AFF1: variants seen among roughly 807,000 people sequenced by gnomAD.
The protein encoded by AFF1 is AF4/FMR2 family member 1.
AFF1 carries 48 observed loss-of-function variants against 121.7 expected under a neutral mutation model. The ratio of observed to expected loss-of-function variants is 0.39; its 90% CI spans 0.31 to 0.50. The LOEUF is 0.50. AFF1 is among the 20% of genes least tolerant of loss of function. The pLI, the probability that AFF1 is intolerant of heterozygous loss-of-function variation, is 0.76. For synonymous variants in AFF1, 613 were observed against 563.0 expected, an observed-to-expected ratio of 1.09 and a Z score of -1.26; for missense variants, 1,523 against 1,511.7, an observed-to-expected ratio of 1.01 and a Z score of -0.12.
intron 2 of AFF1, among the ~76,000 whole-genome samples, chr4:87,022,676 A>ATAGCTGTGTGTATATATATG (rs1441871979): frequency 7.0e-6 from 1 of 143,812 alleles, no homozygotes; most frequent in Non-Finnish European, 1.5e-5. Context: ...GTGTATATAT[A>ATAGCTGTGTGTATATATATG]TGTGTGTGTA....
intron 4 of AFF1, among the ~76,000 whole-genome samples, chr4:87,068,454 T>C (rs1578184877): frequency 6.6e-6 from 1 of 152,252 alleles, no homozygotes; most frequent in Admixed American, 6.5e-5. Flanking sequence ...TGTGCTATCA[T>C]CTACTTTAAA....
At chr4:86,936,577 G>T (rs1462120373) in intron 1 of AFF1, 1 of 152,046 alleles carries the variant, frequency 6.6e-6, no homozygotes, top group African/African-American at 2.4e-5. Context: ...CCAGAGTCTA[G>T]TTTTTTTTCT....
Position 86,946,769 on chromosome 4 carries a change from A to G in AFF1, c.-36-1729A>G, listed in dbSNP as rs140860311. On this transcript the variant is annotated intron_variant, in intron 1 of 20. Coordinates refer to ENST00000395146, the MANE Select transcript of AFF1 (RefSeq NM_001166693.3). ...TGTCAGTCAGTCAACAAACAAGTGA[A>G]CTCAGGACCCCTCTCAGATTGATAG... 3.3e-3 allele frequency among the ~76,000 whole-genome samples: 500 copies of G among 152,092 alleles called. 2 individuals carry two copies. Among genetic ancestry groups the G allele is most frequent in the African/African-American group, 0.011 (477 of 41,492 alleles).
At chr4:87,021,117 ACT>A (rs1325183661) in intron 2 of AFF1, among the ~76,000 whole-genome samples, 2 of 152,000 alleles carry the variant, frequency 1.3e-5, no homozygotes, top group Admixed American at 1.3e-4. Flanking sequence ...TCTGAGGTGC[ACT>A]CTCAGAATTT....
chr4:87,083,074 CA>C (rs1046272953), intron 4 of AFF1, among the ~76,000 whole-genome samples: 47 of 152,288 alleles, frequency 3.1e-4, no homozygotes, highest in Admixed American at 2.8e-3. Context: ...TGACACAGAG[CA>C]AGTTGCTATT....
At chr4:87,091,721 G>A in intron 6 of AFF1, 72 bp from the exon 7 acceptor site, 8 of 1,056,844 alleles carry the variant, frequency 7.6e-6, no homozygotes, top group African/African-American at 3.3e-5. Context: ...AATACTAAAA[G>A]CTCAACGGTT....
chr4:87,087,922 A>C (rs1193518610), intron 5 of AFF1, among the ~76,000 whole-genome samples: 2 of 152,256 alleles, frequency 1.3e-5, no homozygotes, highest in Non-Finnish European at 2.9e-5. Context: ...ATTACCAAGT[A>C]AATAAAACAG....
intron 4 of AFF1, among the ~76,000 whole-genome samples, chr4:87,049,184 T>C (rs1235542035): frequency 3.3e-5 from 5 of 152,048 alleles, no homozygotes; most frequent in Admixed American, 6.6e-5. Context: ...TTAGCAAATA[T>C]TTGCATTGTC....
intron 2 of AFF1, among the ~76,000 whole-genome samples, chr4:86,950,373 G>T (rs1942794815): frequency 6.6e-6 from 1 of 152,156 alleles, no homozygotes; most frequent in African/African-American, 2.4e-5. Context: ...GTTTCACCAT[G>T]TTGGCAGGCT....
chr4:87,049,788 G>T, intron 4 of AFF1: 1 of 455,768 alleles, frequency 2.2e-6, no homozygotes, highest in Non-Finnish European at 4.4e-6. Context: ...GAACTGAGGG[G>T]GTCAGACAGA....
chr4:87,112,908 ATCAC>A (rs1362487492), intron 11 of AFF1, among the ~76,000 whole-genome samples: 2 of 152,340 alleles, frequency 1.3e-5, no homozygotes, highest in Middle Eastern at 3.4e-3. Flanking sequence ...AAATGTAACT[ATCAC>A]TCACTCTGTT....
chr4:86,942,666 C>G (rs1242606736), intron 1 of AFF1, among the ~76,000 whole-genome samples: 1 of 152,174 alleles, frequency 6.6e-6, no homozygotes, highest in African/African-American at 2.4e-5. Context: ...TGACCTAGTT[C>G]TGGTTTTTTG....
At chr4:87,068,660 C>T (rs1184106021) in intron 4 of AFF1, among the ~76,000 whole-genome samples, 3 of 152,128 alleles carry the variant, frequency 2.0e-5, no homozygotes, top group Admixed American at 6.5e-5. Context: ...TTCAAATGTA[C>T]AGGGGGAAGG....
chr4:86,937,275 A>G (rs1380863064), intron 1 of AFF1, among the ~76,000 whole-genome samples: 1 of 152,254 alleles, frequency 6.6e-6, no homozygotes, highest in Non-Finnish European at 1.5e-5. Context: ...TTAGAATACA[A>G]AGATCATTTA....
At chr4:87,006,730 A>G (rs1311316687) in intron 2 of AFF1, among the ~76,000 whole-genome samples, 6 of 152,202 alleles carry the variant, frequency 3.9e-5, no homozygotes, top group Non-Finnish European at 8.8e-5. Flanking sequence ...TGTGTATTCC[A>G]GCGGTGGGTG....
At chr4:86,956,758 C>A (rs1721769462) in intron 2 of AFF1, among the ~76,000 whole-genome samples, 1 of 152,124 alleles carries the variant, frequency 6.6e-6, no homozygotes, top group South Asian at 2.1e-4. Context: ...TTTTTCAGTC[C>A]TTTTTATTGC....
intron 18 of AFF1, 32 bp downstream of exon 18, chr4:87,131,896 A>C: frequency 6.7e-7 from 1 of 1,503,054 alleles, no homozygotes; most frequent in Non-Finnish European, 8.9e-7. Context: ...AATAGTACTA[A>C]ATTTGTTTTT....
chr4:87,049,413 T>C (rs1488977240), intron 4 of AFF1, among the ~76,000 whole-genome samples: 2 of 152,194 alleles, frequency 1.3e-5, no homozygotes, highest in Non-Finnish European at 2.9e-5. Context: ...TCCTGTTAAC[T>C]TACTGTTTTC....
rs759433788 is a variant in AFF1 at position 87,047,247 on chromosome 4, C to T, written c.712C>T (p.His238Tyr). The part of the protein sequence containing the change: ...LPRTQGSSKV[H>Y]GSSNNSKGYC... ...CCGGACGCAAGGAAGCAGCAAGGTT[C>T]ATGGCAGCAGCAATAACAGTAAAGG... The change falls in exon 4 of 21, where the codon CAT (histidine) becomes TAT (tyrosine). Residue 238 changes from histidine (H) to tyrosine (Y), a missense_variant. His to Tyr is a moderately conservative substitution (Grantham distance 83). Around this residue, in one of 5 missense-constraint regions of AFF1, gnomAD observed 369 missense variants for 367.2 expected, o/e 1.00. Transcript: ENST00000395146. 6.2e-7 allele frequency: 1 copy of T among 1,614,212 alleles called. No homozygotes were observed. The highest frequency in any genetic ancestry group is 1.1e-5 in the South Asian group (1 of 91,078).
Sources: gnomAD v4.1 joint callset for allele counts (sites outside exome capture counted in the v4.1 genomes callset) on GRCh38, gnomAD v4.1.1 for gene constraint, gnomAD v4.1.1 regional missense constraint, MANE v1.5 for transcripts, NCBI Gene and HGNC (gene_info 2026-07-23, HGNC 2026-07-21) for gene names.